The following VAV1 variants were observed in gnomAD, a reference collection of about 807,000 sequenced individuals.
VAV1 encodes vav guanine nucleotide exchange factor 1.
VAV1 carries 33 observed loss-of-function variants against 128.1 expected under a neutral mutation model. The observed-to-expected ratio is 0.26, with a 90% CI of 0.20 to 0.34. VAV1 has a LOEUF of 0.34. Among genes scored for constraint, VAV1 ranks in the 10% least tolerant of loss-of-function variants. VAV1 has a pLI of 1.00. For synonymous variants in VAV1, 394 were observed against 409.8 expected, an observed-to-expected ratio of 0.96 and a Z score of 0.47; for missense variants, 715 against 1,093.7, an observed-to-expected ratio of 0.65 and a Z score of 4.88.
chr19:6,840,784 T>A (rs1005445602), intron 21 of VAV1, among the ~76,000 whole-genome samples: 9 of 151,930 alleles, frequency 5.9e-5, no homozygotes, highest in East Asian at 1.9e-4. Flanking sequence ...TTTCTACTTT[T>A]AAAAAAATTT....
intron 1 of VAV1, among the ~76,000 whole-genome samples, chr19:6,814,674 T>TCCTTCCTTTCTCTCTCTCTC (rs1568299208): frequency 3.2e-5 from 3 of 95,184 alleles, no homozygotes; most frequent in African/African-American, 1.6e-4. Context: ...CTTCCTTCCT[T>TCCTTCCTTTCTCTCTCTCTC]TCTTTCTTTC....
intron 22 of VAV1, among the ~76,000 whole-genome samples, chr19:6,843,666 A>G (rs1303392015): frequency 1.3e-5 from 2 of 152,182 alleles, no homozygotes; most frequent in Non-Finnish European, 2.9e-5. Context: ...AAATAGCTTA[A>G]TGACAGTATC....
intron 1 of VAV1, among the ~76,000 whole-genome samples, chr19:6,778,868 T>C (rs1434817389): frequency 1.3e-5 from 2 of 151,072 alleles, no homozygotes; most frequent in African/African-American, 4.9e-5. Flanking sequence ...TGAGACCCCG[T>C]CTCTACTTTT....
chr19:6,847,101 A>G (rs1972542035), intron 22 of VAV1, among the ~76,000 whole-genome samples: 1 of 151,920 alleles, frequency 6.6e-6, no homozygotes, highest in African/African-American at 2.4e-5. Flanking sequence ...TTTAGTAGAG[A>G]CGAGGTTTCA....
chr19:6,831,844 G>T (rs1748001211), intron 14 of VAV1, among the ~76,000 whole-genome samples: 1 of 145,680 alleles, frequency 6.9e-6, no homozygotes, highest in Non-Finnish European at 1.5e-5. Flanking sequence ...GTGTGCTTCT[G>T]CAAAGGGGAG....
intron 1 of VAV1, among the ~76,000 whole-genome samples, chr19:6,778,630 G>A (rs982193832): frequency 1.3e-5 from 2 of 152,304 alleles, no homozygotes; most frequent in East Asian, 3.9e-4. Context: ...AGCTACCCGA[G>A]AGGCTAAGTG....
At position 6,777,298 on chromosome 19, in the gene VAV1, G is replaced by T. The variant is rs547119669; in HGVS notation, c.204+4287G>T. Among the ~76,000 whole-genome samples the T allele has an allele frequency of 6.6e-6, 1 of 151,510 alleles. No homozygotes were observed. Among genetic ancestry groups the T allele is most frequent in the African/African-American group, 2.4e-5 (1 of 41,242 alleles). ...CCATCCATCCATCCAGCAATGACAAGGTCTGCCAGGCCCTGTTCTTGGTGC... is the reference window on the plus strand; with the variant it reads ...CCATCCATCCATCCAGCAATGACAATGTCTGCCAGGCCCTGTTCTTGGTGC... On this transcript the variant is annotated intron_variant, in intron 1 of 26. Transcript: ENST00000602142. The surrounding 1 kb of genome is among the most constrained non-coding windows in gnomAD (Gnocchi z 4.4).
At chr19:6,814,490 C>G (rs747654381) in intron 1 of VAV1, among the ~76,000 whole-genome samples, 1 of 151,930 alleles carries the variant, frequency 6.6e-6, no homozygotes, top group African/African-American at 2.4e-5. Context: ...ACACTTAGTA[C>G]ACTTTGTATA....
chr19:6,780,502 G>A lies in VAV1; in HGVS notation c.204+7491G>A, dbSNP rs369935797. ...ACCTATTGCTCCTAGCTACAAACCCGTACAGCATGGGACTGCACTGAATAC... is the reference window on the plus strand; with the variant it reads ...ACCTATTGCTCCTAGCTACAAACCCATACAGCATGGGACTGCACTGAATAC... On this transcript the variant is annotated intron_variant, in intron 1 of 26. Coordinates refer to ENST00000602142, the MANE Select transcript of VAV1 (RefSeq NM_005428.4). Among the ~76,000 whole-genome samples the A allele has an allele frequency of 1.7e-4, 25 of 150,248 alleles. 2 individuals are homozygous for A. The South Asian group carries it at 3.6e-3, about 22-fold the overall frequency.
At chr19:6,838,626 C>A (rs1172826361) in intron 21 of VAV1, among the ~76,000 whole-genome samples, 1 of 152,156 alleles carries the variant, frequency 6.6e-6, no homozygotes, top group African/African-American at 2.4e-5. Context: ...TCTCTCTCAT[C>A]TATTCATTTA....
intron 26 of VAV1, among the ~76,000 whole-genome samples, chr19:6,856,100 G>T (rs573104694): frequency 1.3e-5 from 2 of 152,116 alleles, no homozygotes; most frequent in African/African-American, 4.8e-5. Flanking sequence ...TTTGAGACCC[G>T]CCTGGCCAAC....
At chr19:6,836,945 A>G in intron 20 of VAV1, 40 bp from the exon 21 acceptor site, 13 of 1,608,422 alleles carry the variant, frequency 8.1e-6, no homozygotes, top group Non-Finnish European at 1.1e-5. Flanking sequence ...TATGGATCCT[A>G]TAACCTCTCT....
At chr19:6,789,554 T>C (rs540639386) in intron 1 of VAV1, among the ~76,000 whole-genome samples, 4 of 150,896 alleles carry the variant, frequency 2.7e-5, no homozygotes, top group African/African-American at 9.9e-5. Flanking sequence ...CCCGGCTCTT[T>C]CCTTTCTTTT....
chr19:6,794,172 G>A (rs77391812), intron 1 of VAV1, among the ~76,000 whole-genome samples: 3,914 of 146,640 alleles, frequency 0.027, 174 homozygotes, highest in African/African-American at 0.095. Flanking sequence ...ATTGATAAAT[G>A]ACTTATTGGT....
Position 6,825,541 on chromosome 19 carries a change from C to T in VAV1, c.827+135C>T, listed in dbSNP as rs565403272. 3.9e-5 allele frequency: 27 copies of T among 695,248 alleles called. No individual in the cohort carries two copies. In the African/African-American group the frequency reaches 4.6e-4, roughly 12 times the overall value. The allele number at this position is 695,248 out of a possible 1,614,324, so 43.1% of individuals were successfully genotyped here. On this transcript the variant is annotated intron_variant, in intron 8 of 26. Transcript: ENST00000602142. ...TGTGTGTTCATGGGCGAGGGGCTGC[C>T]CATCTCTGGTTCAATTCCCAGCTCT...
chr19:6,814,675 T>TTTCTTC (rs1568299213), intron 1 of VAV1, among the ~76,000 whole-genome samples: 3 of 77,174 alleles, frequency 3.9e-5, no homozygotes, highest in South Asian at 4.4e-4. Context: ...TTCCTTCCTT[T>TTTCTTC]CTTTCTTTCT....
At chr19:6,797,040 C>T (rs940438734) in intron 1 of VAV1, among the ~76,000 whole-genome samples, 4 of 151,862 alleles carry the variant, frequency 2.6e-5, no homozygotes, top group African/African-American at 9.7e-5. Context: ...GAGACCAGCC[C>T]AGCCAACGTG....
chr19:6,825,896 A>G (rs993330625), intron 8 of VAV1, among the ~76,000 whole-genome samples: 2 of 151,962 alleles, frequency 1.3e-5, no homozygotes, highest in Non-Finnish European at 2.9e-5. Flanking sequence ...AACTAAAAAT[A>G]CAAAAAACAA....
At chr19:6,847,255 C>T (rs559279554) in intron 22 of VAV1, among the ~76,000 whole-genome samples, 2 of 152,234 alleles carry the variant, frequency 1.3e-5, no homozygotes, top group Non-Finnish European at 2.9e-5. Flanking sequence ...CCATCACTGC[C>T]GTTTAGCTCC....
Sources: allele counts gnomAD v4.1 joint callset (sites outside exome capture counted in the v4.1 genomes callset), GRCh38; gene constraint gnomAD v4.1.1; non-coding constraint Gnocchi (gnomAD v3.1); transcripts MANE v1.5; gene names NCBI Gene and HGNC (gene_info 2026-07-23, HGNC 2026-07-21).